DGKZ: variants seen among roughly 807,000 people sequenced by gnomAD.
DGKZ encodes the protein DAG kinase zeta.
A neutral mutation model predicts 142.5 loss-of-function variants in DGKZ; 45 were observed. The ratio of observed to expected loss-of-function variants is 0.32; its 90% CI spans 0.25 to 0.40. The LOEUF is 0.40. Among genes scored for constraint, DGKZ ranks in the 10% least tolerant of loss-of-function variants. The pLI is 1.00. For synonymous variants in DGKZ, 442 were observed against 527.0 expected (o/e 0.84, Z 2.21); for missense variants, 755 against 1,306.5 (o/e 0.58, Z 6.51).
chr11:46,376,560 C>T, exon 24 of DGKZ: 1 of 1,613,544 alleles, frequency 6.2e-7, no homozygotes, highest in Non-Finnish European at 8.5e-7. Flanking sequence ...ATCGACCGAG[C>T]CCAGGTGAGC....
chr11:46,377,025 C>T (rs1944629620), intron 24 of DGKZ, 48 bp from the exon 25 acceptor site: 2 of 1,550,156 alleles, frequency 1.3e-6, no homozygotes, highest in African/African-American at 2.7e-5. Flanking sequence ...TGCCCCTCGG[C>T]CCCCACCGTC....
intron 1 of DGKZ, chr11:46,366,407 C>G (rs1010796782): frequency 6.5e-7 from 1 of 1,528,360 alleles, no homozygotes; most frequent in African/African-American, 1.4e-5. Flanking sequence ...ACAGCGGCGC[C>G]GCTCCAGCGC....
chr11:46,376,660 C>T, intron 24 of DGKZ, 96 bp downstream of exon 24: 3 of 1,489,730 alleles, frequency 2.0e-6, no homozygotes, highest in Non-Finnish European at 2.8e-6. Context: ...CCGATGGGCT[C>T]ACCTCTGTCC....
intron 25 of DGKZ, chr11:46,377,834 TCCCCCA>T (rs1371628544): frequency 6.3e-6 from 2 of 316,744 alleles, no homozygotes; most frequent in East Asian, 1.8e-4. Context: ...TTTCCGGAGC[TCCCCCA>T]CCCCCATCCC....
chr11:46,378,391 T>C (rs1944805371), intron 26 of DGKZ, 66 bp from the exon 27 acceptor site: 1 of 1,556,776 alleles, frequency 6.4e-7, no homozygotes, highest in African/African-American at 1.4e-5. Context: ...CACAGTCCTG[T>C]CCACTGAGGC....
intron 1 of DGKZ, among the ~76,000 whole-genome samples, chr11:46,341,283 G>C (rs553826734): frequency 6.6e-6 from 1 of 152,210 alleles, no homozygotes; most frequent in Admixed American, 6.5e-5. Flanking sequence ...ACAAACTCAT[G>C]TACCCAGCAC....
chr11:46,369,424 A>G (rs774891343), intron 4 of DGKZ, 70 bp from the exon 5 acceptor site: 6 of 1,581,870 alleles, frequency 3.8e-6, no homozygotes, highest in Non-Finnish European at 5.2e-6. Flanking sequence ...GTTGTCCTGG[A>G]GGGAGTGACC....
At chr11:46,363,143 A>G (rs1291625300) in intron 1 of DGKZ, among the ~76,000 whole-genome samples, 1 of 152,252 alleles carries the variant, frequency 6.6e-6, no homozygotes, top group Non-Finnish European at 1.5e-5. Flanking sequence ...GAGCTGCGCT[A>G]TGGGAGAGGC....
chr11:46,355,827 A>G (rs1250206194), intron 1 of DGKZ, among the ~76,000 whole-genome samples: 1 of 151,538 alleles, frequency 6.6e-6, no homozygotes, highest in Non-Finnish European at 1.5e-5. Flanking sequence ...GCTCACCGCA[A>G]CCCCTGCCTC....
intron 1 of DGKZ, among the ~76,000 whole-genome samples, chr11:46,363,439 T>C (rs1311253452): frequency 6.6e-6 from 1 of 152,194 alleles, no homozygotes. Flanking sequence ...ACTGCCGGCC[T>C]TGCCCACCCC....
chr11:46,363,742 G>A (rs1435926894), intron 1 of DGKZ, among the ~76,000 whole-genome samples: 1 of 152,230 alleles, frequency 6.6e-6, no homozygotes, highest in Non-Finnish European at 1.5e-5. Context: ...ATCTCCTCCA[G>A]GCTGGGCAGC....
chr11:46,369,187 A>G (rs894536542), intron 4 of DGKZ: 3 of 432,882 alleles, frequency 6.9e-6, no homozygotes, highest in Admixed American at 7.2e-5. Context: ...AAAAACAAAA[A>G]CAAAAAAAAA....
At chr11:46,352,091 C>T (rs964497212) in intron 1 of DGKZ, among the ~76,000 whole-genome samples, 6 of 152,204 alleles carry the variant, frequency 3.9e-5, no homozygotes, top group African/African-American at 1.2e-4. Flanking sequence ...CTGCCCTCCT[C>T]GGCTCCCTGG....
In DGKZ at chr11:46,347,899, CTG is replaced by C; in HGVS notation, c.161+80_161+81del. On this transcript the variant is annotated intron_variant, in intron 1 of 30. Transcript: ENST00000527911. This position sits in a 1 kb window ranked among gnomAD's most constrained non-coding sequence, Gnocchi z 6.4. ...CTCACCGGGGGACATTCCTCGGCCA[CTG>C]GGGGTCCGGGCCACTTCGGTACTGA... is the stretch of plus-strand genomic sequence containing the variant. The C allele has an allele frequency of 7.9e-7, 1 of 1,264,150 alleles. No individual in the cohort carries two copies. The highest frequency in any genetic ancestry group is 3.2e-5 in the East Asian group (1 of 31,424). 78.3% of individuals were successfully genotyped at this position (1,264,150 alleles called of 1,614,324 possible). A position where few individuals can be genotyped will look rare whatever the true frequency, so the allele number is the denominator to read the frequency against.
At chr11:46,358,114 C>A (rs1181281060) in intron 1 of DGKZ, among the ~76,000 whole-genome samples, 1 of 152,196 alleles carries the variant, frequency 6.6e-6, no homozygotes, top group African/African-American at 2.4e-5. Context: ...CAGAGATACC[C>A]TGGTTCCTGC....
intron 1 of DGKZ, chr11:46,364,933 C>T: frequency 2.3e-5 from 23 of 985,480 alleles, no homozygotes; most frequent in Non-Finnish European, 2.8e-5. Flanking sequence ...AGTCTCTCCC[C>T]AGGACCAGGG....
At chr11:46,375,301 T>C (rs1944414321) in intron 19 of DGKZ, 131 bp from the exon 20 acceptor site, 1 of 1,097,964 alleles carries the variant, frequency 9.1e-7, no homozygotes, top group Admixed American at 2.4e-5. Flanking sequence ...CAGCCTCCCC[T>C]CTGCCCTCTG....
exon 19 of DGKZ, chr11:46,375,015 C>T (rs752448313): frequency 8.7e-6 from 14 of 1,608,902 alleles, no homozygotes; most frequent in East Asian, 6.7e-5. Flanking sequence ...ACGGCTACCT[C>T]GAGGTCATTG....
At chr11:46,351,139 C>A (rs12788395) in intron 1 of DGKZ, among the ~76,000 whole-genome samples, 8,768 of 152,114 alleles carry the variant, frequency 0.058, 321 homozygotes, top group Non-Finnish European at 0.088. Context: ...TCCTCCAGGA[C>A]CCACCGGGAA....
Sources: allele counts gnomAD v4.1 joint callset (sites outside exome capture counted in the v4.1 genomes callset), GRCh38; gene constraint gnomAD v4.1.1; non-coding constraint Gnocchi (gnomAD v3.1); transcripts MANE v1.5; gene names NCBI Gene and HGNC (gene_info 2026-07-23, HGNC 2026-07-21).